Variants in ACACB observed in about 807,000 individuals in gnomAD.
ACACB encodes acetyl-CoA carboxylase beta.
In ACACB, 209 loss-of-function variants were observed where a neutral mutation model predicts 278.8. That is an observed-to-expected ratio of 0.75 (90% CI 0.67 to 0.84). The LOEUF (loss-of-function observed/expected upper bound fraction) is 0.84, where lower values mean the gene tolerates loss of function less well. Among genes scored for constraint, ACACB ranks in the 40% least tolerant of loss-of-function variants. ACACB has a pLI of 0.00. For synonymous variants in ACACB, 1,174 were observed against 1,285.6 expected, an observed-to-expected ratio of 0.91 and a Z score of 1.86; for missense variants, 2,850 against 3,269.0, an observed-to-expected ratio of 0.87 and a Z score of 3.13.
rs1565880484 is a variant in ACACB at position 109,166,941 on chromosome 12, C to T, written c.734C>T (p.Ala245Val). 2 of 1,614,022 alleles carry T rather than the reference C, an allele frequency of 1.2e-6. No homozygotes were observed. The highest frequency in any genetic ancestry group is 1.7e-6 in the Non-Finnish European group (2 of 1,180,020). Reference sequence around the variant, plus strand: ...GACCTGCACAGAGACTTTACCGTGGCTTCTCCCGCTGAGTTTGTCACACGC... The same window carrying T: ...GACCTGCACAGAGACTTTACCGTGGTTTCTCCCGCTGAGTTTGTCACACGC... ...KLDLHRDFTV[A>V]SPAEFVTRFG... Residue 245 changes from alanine (A) to valine (V), a missense_variant, in exon 3 of 53, where the codon GCT becomes GTT. Physicochemically the swap from Ala to Val is moderately conservative, Grantham distance 64. Coordinates refer to ENST00000338432, the MANE Select transcript of ACACB (RefSeq NM_001093.4).
chr12:109,233,004 T>C (rs963278211), intron 29 of ACACB, among the ~76,000 whole-genome samples, 198 bp downstream of exon 29: 1 of 152,108 alleles, frequency 6.6e-6, no homozygotes, highest in African/African-American at 2.4e-5. Context: ...GCACAGCACA[T>C]CAATAACAAC....
chr12:109,133,579 G>A (rs1419979776), intron 1 of ACACB, among the ~76,000 whole-genome samples: 10 of 152,004 alleles, frequency 6.6e-5, no homozygotes, highest in Middle Eastern at 3.4e-3. Context: ...TTTAACTGGG[G>A]TAGAGGGATG....
At chr12:109,121,541 A>G (rs553457953) in intron 1 of ACACB, among the ~76,000 whole-genome samples, 3 of 152,322 alleles carry the variant, frequency 2.0e-5, no homozygotes, top group African/African-American at 7.2e-5. Context: ...TGTGGGGCAT[A>G]GAGCAAGAGC....
chr12:109,173,717 G>C (rs1232037374), intron 6 of ACACB, among the ~76,000 whole-genome samples: 1 of 152,238 alleles, frequency 6.6e-6, no homozygotes, highest in Non-Finnish European at 1.5e-5. Context: ...GCAAAGTTGA[G>C]TCATTGTGAC....
rs756987109 is a variant in ACACB at position 109,167,977 on chromosome 12, G to A, written c.868G>A (p.Glu290Lys). 5.0e-6 allele frequency: 8 copies of A among 1,613,890 alleles called. No individual in the cohort carries two copies. Among genetic ancestry groups the A allele is most frequent in the East Asian group, 2.2e-5 (1 of 44,794 alleles). Reference protein sequence around the residue: ...RRWAYEMFRNERAIRFVVMVT... With the variant: ...RRWAYEMFRNKRAIRFVVMVT... ...GTGGGCCTATGAGATGTTCCGCAAC[G>A]AGCGGGCCATCCGGTTTGTTGTGAT... Residue 290 changes from glutamate (E) to lysine (K), a missense_variant, in exon 4 of 53, where the codon GAG becomes AAG. Around this residue, in one of 3 missense-constraint regions of ACACB, gnomAD observed 2,265 missense variants for 2,561.3 expected, o/e 0.88. Transcript: ENST00000338432.
At position 109,216,878 on chromosome 12, in the gene ACACB, C is replaced by T. The variant is rs1032042057; in HGVS notation, c.3522C>T (p.His1174=). The T allele has an allele frequency of 9.9e-6, 16 of 1,613,906 alleles. No individual in the cohort carries two copies. Among genetic ancestry groups the T allele is most frequent in the East Asian group, 2.2e-5 (1 of 44,898 alleles). The change falls in exon 24 of 53, where the codon CAC becomes CAT. Residue 1174 remains histidine, a synonymous_variant. Coordinates refer to ENST00000338432, the MANE Select transcript of ACACB (RefSeq NM_001093.4). ...AGGTGCTGGACTGCATCTTCTCCCA[C>T]GCACAGGTGGCCAAGAAGAACCAGC... ...MSQVLDCIFS[H]AQVAKKNQLV...
Position 109,167,897 on chromosome 12 carries a change from T to G in ACACB, c.788T>G (p.Val263Gly), listed in dbSNP as rs780584088. Residue 263 changes from valine to glycine, a missense_variant and splice_region_variant, in exon 4 of 53, where the codon GTG (valine) becomes GGG (glycine). Physicochemically the swap from Val to Gly is moderately radical, Grantham distance 109. This residue lies in a region of ACACB where 2,265 missense variants were observed against 2,561.3 expected (regional missense o/e 0.88). Coordinates refer to ENST00000338432, the MANE Select transcript of ACACB (RefSeq NM_001093.4). ...CTCCTTCCTTGTCTTCCCATGCAGG[T>G]GCTTATTGCCAACAACGGGATTGCC... ...RFGGDRVIEKVLIANNGIAAV... is the reference protein window; with the variant it reads ...RFGGDRVIEKGLIANNGIAAV... 1.9e-6 allele frequency: 3 copies of G among 1,613,884 alleles called. No individual in the cohort carries two copies. Among genetic ancestry groups the G allele is most frequent in the Non-Finnish European group, 2.5e-6 (3 of 1,179,950 alleles).
At position 109,237,398 on chromosome 12, in the gene ACACB, A is replaced by T. The variant is rs762315615; in HGVS notation, c.4662+18A>T. On this transcript the variant is annotated intron_variant, in intron 34 of 52. Coordinates refer to ENST00000338432, the MANE Select transcript of ACACB (RefSeq NM_001093.4). ...TCACAAAGGTAAGATGTCGCAGAGCATTTCTTCCTCTCTCAGAACCTGGCC... is the reference window on the plus strand; with the variant it reads ...TCACAAAGGTAAGATGTCGCAGAGCTTTTCTTCCTCTCTCAGAACCTGGCC... 4 of 1,604,216 alleles carry T rather than the reference A, an allele frequency of 2.5e-6. No individual in the cohort carries two copies. Among genetic ancestry groups the T allele is most frequent in the Non-Finnish European group, 3.4e-6 (4 of 1,174,632 alleles).
chr12:109,116,898 C>G (rs899506817), intron 1 of ACACB, among the ~76,000 whole-genome samples, 194 bp downstream of exon 1: 7 of 152,060 alleles, frequency 4.6e-5, no homozygotes, highest in African/African-American at 1.7e-4. Flanking sequence ...AAGAGAAGGG[C>G]CTTTCTTTGC....
At position 109,216,801 on chromosome 12, in the gene ACACB, T is replaced by C; in HGVS notation, c.3445T>C (p.Tyr1149His). Reference sequence around the variant, plus strand: ...TGGTGTTTTGTCTCCCCCAGCCCACTACGACAAGTGTGTGATAAACCTCAG... The same window carrying C: ...TGGTGTTTTGTCTCCCCCAGCCCACCACGACAAGTGTGTGATAAACCTCAG... ...RVEHHFQQAH[Y>H]DKCVINLREQ... Residue 1149 changes from tyrosine (Y) to histidine (H), a missense_variant, in exon 24 of 53, where the codon TAC becomes CAC. By Grantham distance (83) the Tyr-to-His change is moderately conservative. This residue lies in a region of ACACB where 2,265 missense variants were observed against 2,561.3 expected (regional missense o/e 0.88). Transcript: ENST00000338432. 1 of 1,614,170 alleles carries C rather than the reference T, an allele frequency of 6.2e-7. No individual in the cohort carries two copies. Among genetic ancestry groups the C allele is most frequent in the African/African-American group, 1.3e-5 (1 of 75,050 alleles).
chr12:109,255,552 A>G lies in ACACB; in HGVS notation c.6167-588A>G, dbSNP rs188977459. Among the ~76,000 whole-genome samples, 492 of 152,322 alleles carry G rather than the reference A, an allele frequency of 3.2e-3. 4 individuals are homozygous for G. The highest frequency in any genetic ancestry group is 5.6e-3 in the Non-Finnish European group (379 of 68,028). Reference sequence around the variant, plus strand: ...TGCATGCCTGGGTGCCGGGCCTCCCATGCCTGAGATGCCTCTTACTCTGGC... The same window carrying G: ...TGCATGCCTGGGTGCCGGGCCTCCCGTGCCTGAGATGCCTCTTACTCTGGC... On this transcript the variant is annotated intron_variant, in intron 44 of 52. Transcript: ENST00000338432.
At chr12:109,246,951 G>A (rs1417904232) in intron 39 of ACACB, among the ~76,000 whole-genome samples, 1 of 152,154 alleles carries the variant, frequency 6.6e-6, no homozygotes, top group African/African-American at 2.4e-5. Context: ...GTGCCTGCCT[G>A]TAGTCAGCCT....
intron 27 of ACACB, among the ~76,000 whole-genome samples, chr12:109,225,390 G>A (rs997479819): frequency 3.3e-5 from 5 of 152,196 alleles, no homozygotes; most frequent in African/African-American, 7.2e-5. Context: ...TTTCCACCAC[G>A]CCCAGCTAAT....
At chr12:109,220,176 G>A (rs1161292491) in intron 24 of ACACB, among the ~76,000 whole-genome samples, 1 of 152,150 alleles carries the variant, frequency 6.6e-6, no homozygotes, top group East Asian at 1.9e-4. Context: ...TGGGAATTGG[G>A]ACATTTTCCT....
intron 1 of ACACB, among the ~76,000 whole-genome samples, chr12:109,138,422 A>G (rs2043021094): frequency 6.6e-6 from 1 of 152,156 alleles, no homozygotes; most frequent in Non-Finnish European, 1.5e-5. Context: ...AGTTGTAAGC[A>G]TACCCCACAC....
At position 109,249,706 on chromosome 12, in the gene ACACB, G is replaced by T. The variant is rs566580285; in HGVS notation, c.5670-278G>T. 3 of 238,050 alleles carry T rather than the reference G, an allele frequency of 1.3e-5. No homozygotes were observed. In the South Asian group the frequency reaches 2.7e-4, roughly 22 times the overall value. The allele number at this position is 238,050 out of a possible 1,614,324, so 14.7% of individuals were successfully genotyped here. The stretch of plus-strand genomic sequence containing the variant: ...GGGGTTTCGCCATATTGGCCAGGCT[G>T]GTCTCAAACTCCTGACCTCAAGTAA... On this transcript the variant is annotated intron_variant, in intron 40 of 52. Coordinates refer to ENST00000338432, the MANE Select transcript of ACACB (RefSeq NM_001093.4).
chr12:109,170,334 G>C (rs1186114806), intron 4 of ACACB, among the ~76,000 whole-genome samples: 1 of 152,056 alleles, frequency 6.6e-6, no homozygotes, highest in Non-Finnish European at 1.5e-5. Context: ...CAAAGTGCTG[G>C]GATTACAGGT....
intron 43 of ACACB, among the ~76,000 whole-genome samples, chr12:109,253,438 G>C (rs1565976078): frequency 6.6e-6 from 1 of 152,128 alleles, no homozygotes; most frequent in Non-Finnish European, 1.5e-5. Flanking sequence ...AGGCAGCATT[G>C]GACAATACTG....
chr12:109,227,640 G>A, intron 28 of ACACB, 151 bp downstream of exon 28: 1 of 694,894 alleles, frequency 1.4e-6, no homozygotes, highest in Non-Finnish European at 2.5e-6. Flanking sequence ...GCTCCCTGCA[G>A]CGCCATTTTC....
Sources: allele counts gnomAD v4.1 joint callset (sites outside exome capture counted in the v4.1 genomes callset), GRCh38; gene constraint gnomAD v4.1.1; regional missense constraint gnomAD v4.1.1; transcripts MANE v1.5; gene names NCBI Gene and HGNC (gene_info 2026-07-23, HGNC 2026-07-21).